Variants in ASH1L observed in about 807,000 individuals in gnomAD.
The protein encoded by ASH1L is ASH1 like histone lysine methyltransferase.
ASH1L carries 23 observed loss-of-function variants against 269.0 expected under a neutral mutation model. The observed-to-expected ratio is 0.09, with a 90% CI of 0.06 to 0.12. The LOEUF (loss-of-function observed/expected upper bound fraction) is 0.12. Ranked by LOEUF, ASH1L falls within the 10% of genes least tolerant of loss-of-function variation. The probability of loss-of-function intolerance (pLI) is 1.00; values close to 1 mark genes in which losing one functional copy is unlikely to be tolerated. For synonymous variants in ASH1L, 1,187 were observed against 1,253.5 expected, an observed-to-expected ratio of 0.95 and a Z score of 1.12; for missense variants, 2,912 against 3,567.8, an observed-to-expected ratio of 0.82 and a Z score of 4.68.
At chr1:155,543,913 C>CTAGGCGAAAGAACA (rs1390452255) in intron 1 of ASH1L, among the ~76,000 whole-genome samples, 3 of 152,022 alleles carry the variant, frequency 2.0e-5, no homozygotes, top group Non-Finnish European at 4.4e-5. Flanking sequence ...GCACTCCAGC[C>CTAGGCGAAAGAACA]TAGGCGAAAG....
intron 20 of ASH1L, 36 bp from the exon 21 acceptor site, chr1:155,346,505 C>T (rs1653341736): frequency 1.4e-5 from 22 of 1,582,018 alleles, no homozygotes; most frequent in Non-Finnish European, 1.9e-5. Context: ...AACATGGAGG[C>T]TATGACTTAT....
intron 1 of ASH1L, among the ~76,000 whole-genome samples, chr1:155,544,488 C>T (rs1418321113): frequency 6.6e-6 from 1 of 151,130 alleles, no homozygotes; most frequent in South Asian, 2.1e-4. Context: ...GGGGTTTCAC[C>T]GTGTTAGCCA....
chr1:155,405,050 A>G (rs1659156419), intron 6 of ASH1L, among the ~76,000 whole-genome samples: 2 of 151,534 alleles, frequency 1.3e-5, no homozygotes, highest in African/African-American at 2.4e-5. Context: ...ATAATAGAAT[A>G]AAAATAAAAA....
chr1:155,358,190 A>G (rs1273043001), intron 13 of ASH1L, among the ~76,000 whole-genome samples: 1 of 152,180 alleles, frequency 6.6e-6, no homozygotes, highest in East Asian at 1.9e-4. Flanking sequence ...CAACTGATTG[A>G]GAGTATAAAT....
intron 6 of ASH1L, among the ~76,000 whole-genome samples, chr1:155,408,492 T>C (rs1390746647): frequency 1.3e-5 from 2 of 152,098 alleles, no homozygotes; most frequent in South Asian, 2.1e-4. Context: ...AGGGAAATAG[T>C]TGATTCCAGA....
At chr1:155,547,856 C>T (rs766690173) in intron 1 of ASH1L, among the ~76,000 whole-genome samples, 3 of 152,126 alleles carry the variant, frequency 2.0e-5, no homozygotes, top group Non-Finnish European at 4.4e-5. Context: ...GCCTGTAGTC[C>T]CAGCTACCCA....
At chr1:155,415,256 C>T (rs1027458805) in intron 6 of ASH1L, among the ~76,000 whole-genome samples, 3 of 151,588 alleles carry the variant, frequency 2.0e-5, no homozygotes, top group African/African-American at 4.8e-5. Context: ...GGTGGCGGGC[C>T]CTGTACTCCC....
chr1:155,412,039 C>T (rs973890085), intron 6 of ASH1L, among the ~76,000 whole-genome samples: 1 of 151,840 alleles, frequency 6.6e-6, no homozygotes, highest in Non-Finnish European at 1.5e-5. Context: ...CTCAGGATTT[C>T]GCAACCAGAC....
At position 155,527,565 on chromosome 1, in the gene ASH1L, C is replaced by T. The variant is rs1414392351; in HGVS notation, c.-99-5947G>A. Among the ~76,000 whole-genome samples the T allele has an allele frequency of 4.6e-5, 6 of 129,748 alleles. No homozygotes were observed. The Admixed American group carries it at 5.3e-4, about 12-fold the overall frequency. The allele number at this position is 129,748 out of a possible 152,430, so 85.1% of individuals were successfully genotyped here. A position where few individuals can be genotyped will look rare whatever the true frequency, so the allele number is the denominator to read the frequency against. ...TTTTTTTTTTTTTTTGAGTCAAGGT[C>T]TCTCTCTGTCACCCTGGCCAGAGTG... On this transcript the variant is annotated intron_variant, in intron 1 of 27. Coordinates refer to ENST00000392403, the MANE Select transcript of ASH1L (RefSeq NM_018489.3).
At chr1:155,403,745 C>T (rs555359555) in intron 6 of ASH1L, among the ~76,000 whole-genome samples, 1 of 152,136 alleles carries the variant, frequency 6.6e-6, no homozygotes, top group South Asian at 2.1e-4. Flanking sequence ...AAGTAAATTT[C>T]TTACTTGCTT....
chr1:155,501,345 T>A (rs1435135875), intron 2 of ASH1L, among the ~76,000 whole-genome samples: 1 of 152,146 alleles, frequency 6.6e-6, no homozygotes, highest in Non-Finnish European at 1.5e-5. Context: ...CTTCAAAATG[T>A]TTTCTTAAAC....
At position 155,427,890 on chromosome 1, in the gene ASH1L, T is replaced by C. The variant is rs142827469; in HGVS notation, c.5828+10437A>G. Among the ~76,000 whole-genome samples the C allele has an allele frequency of 2.5e-3, 386 of 152,240 alleles. 2 individuals carry two copies. Among genetic ancestry groups the C allele is most frequent in the African/African-American group, 8.8e-3 (367 of 41,558 alleles). On this transcript the variant is annotated intron_variant, in intron 5 of 27. Coordinates refer to ENST00000392403, the MANE Select transcript of ASH1L (RefSeq NM_018489.3). ...CCATCCCCCGATGCTGTCGTTGCCA[T>C]AGTGAGTGAGTTCTGTTGAGATCTG...
In ASH1L at chr1:155,518,759, GA is replaced by G. The variant is rs1409373864; in HGVS notation, c.420+2340del. Among the ~76,000 whole-genome samples, 5 of 150,694 alleles carry G rather than the reference GA, an allele frequency of 3.3e-5. No homozygotes were observed. The East Asian group carries it at 5.9e-4, about 18-fold the overall frequency. ...AAAACAAAAGGAAGGGGAGGGAAGA[GA>G]GGGGGAGAGGCAGAGACAGGGAGCA... On this transcript the variant is annotated intron_variant, in intron 2 of 27. Transcript: ENST00000392403.
intron 10 of ASH1L, among the ~76,000 whole-genome samples, chr1:155,373,510 G>C (rs918631952): frequency 1.3e-5 from 2 of 152,076 alleles, no homozygotes; most frequent in East Asian, 3.9e-4. Flanking sequence ...GCTTAGGCTG[G>C]TCTCAAATTC....
intron 1 of ASH1L, among the ~76,000 whole-genome samples, chr1:155,521,984 G>A (rs1012641048): frequency 6.6e-5 from 10 of 152,232 alleles, no homozygotes; most frequent in South Asian, 6.2e-4. Flanking sequence ...CTCTTCTGCT[G>A]AAGTACACTT....
rs555735462 is a variant in ASH1L, at chr1:155,534,642, A to G, written c.-99-13024T>C. ...AAAGGGAAGATCAAAGGGTTCAGTAATAAGTACATTAAATTTTAGGTACCT... is the reference window on the plus strand; with the variant it reads ...AAAGGGAAGATCAAAGGGTTCAGTAGTAAGTACATTAAATTTTAGGTACCT... On this transcript the variant is annotated intron_variant, in intron 1 of 27. Transcript: ENST00000392403. Among the ~76,000 whole-genome samples the G allele has an allele frequency of 5.3e-5, 8 of 152,250 alleles. No individual in the cohort carries two copies. In the East Asian group the frequency reaches 1.5e-3, roughly 29 times the overall value.
chr1:155,369,600 G>C (rs1221430543), intron 12 of ASH1L, among the ~76,000 whole-genome samples: 1 of 151,794 alleles, frequency 6.6e-6, no homozygotes, highest in African/African-American at 2.4e-5. Context: ...TCAATTAGAT[G>C]CTAATCTATT....
rs138154267 is a variant in ASH1L at position 155,466,145 on chromosome 1, G to A, written c.4985-6247C>T. Among the ~76,000 whole-genome samples the A allele has an allele frequency of 5.9e-5, 9 of 152,236 alleles. No homozygotes were observed. The East Asian group carries it at 1.7e-3, about 29-fold the overall frequency. The stretch of plus-strand genomic sequence containing the variant: ...CGAGGCAGGCAGATCACGAGGTCAG[G>A]AGATTGAGACCATCTTGGCTAACAC... On this transcript the variant is annotated intron_variant, in intron 3 of 27. Coordinates refer to ENST00000392403, the MANE Select transcript of ASH1L (RefSeq NM_018489.3).
intron 1 of ASH1L, among the ~76,000 whole-genome samples, chr1:155,555,492 G>A (rs1320191941): frequency 4.3e-4 from 48 of 112,584 alleles, no homozygotes; most frequent in African/African-American, 1.6e-3. Flanking sequence ...GTGAGACTCT[G>A]TCTCAAAAAA....
Sources: allele counts gnomAD v4.1 joint callset (sites outside exome capture counted in the v4.1 genomes callset), GRCh38; gene constraint gnomAD v4.1.1; transcripts MANE v1.5; gene names NCBI Gene and HGNC (gene_info 2026-07-23, HGNC 2026-07-21).